Variants in ELL observed in about 807,000 individuals in gnomAD.
ELL encodes the protein RNA polymerase II elongation factor ELL.
In ELL, 18 loss-of-function variants were observed where a neutral mutation model predicts 64.0. The observed-to-expected ratio is 0.28, with a 90% CI of 0.19 to 0.42. ELL has a LOEUF of 0.42. Ranked by LOEUF, ELL falls within the 10% of genes least tolerant of loss-of-function variation. The probability of loss-of-function intolerance (pLI) is 1.00; values close to 1 mark genes in which losing one functional copy is unlikely to be tolerated. For synonymous variants in ELL, 399 were observed against 376.2 expected (o/e 1.06, Z -0.70); for missense variants, 797 against 870.4 (o/e 0.92, Z 1.06).
chr19:18,457,573 C>A (rs1796709431), intron 6 of ELL, among the ~76,000 whole-genome samples: 1 of 152,172 alleles, frequency 6.6e-6, no homozygotes, highest in Non-Finnish European at 1.5e-5. Flanking sequence ...CCTCCGAGTC[C>A]CTGAGAAATC....
rs1975779278 is a variant in ELL, at chr19:18,501,497, G to C, written c.135+20424C>G. Among the ~76,000 whole-genome samples, 1 of 152,196 alleles carries C rather than the reference G, an allele frequency of 6.6e-6. No homozygotes were observed. Among genetic ancestry groups the C allele is most frequent in the African/African-American group, 2.4e-5 (1 of 41,446 alleles). On this transcript the variant is annotated intron_variant, in intron 1 of 11. Transcript: ENST00000262809. The surrounding 1 kb of genome is among the most constrained non-coding windows in gnomAD (Gnocchi z 4.5). ...CAAGGCAGCTCTTCCAGGCCAGCCG[G>C]GGCCTTGGAGTGAGGGGCCACTGGC...
chr19:18,475,579 G>T (rs1229515615), intron 1 of ELL, among the ~76,000 whole-genome samples: 1 of 152,198 alleles, frequency 6.6e-6, no homozygotes, highest in Non-Finnish European at 1.5e-5. Context: ...CCAAAAAGCG[G>T]CAGTAGCCCA....
intron 1 of ELL, among the ~76,000 whole-genome samples, chr19:18,489,251 C>A (rs560401191): frequency 1.1e-4 from 17 of 152,290 alleles, no homozygotes; most frequent in African/African-American, 4.1e-4. Context: ...CAGGTGTGAG[C>A]GAGGGGGCGT....
At chr19:18,466,238 G>A in intron 2 of ELL, among the ~76,000 whole-genome samples, 1 of 152,180 alleles carries the variant, frequency 6.6e-6, no homozygotes, top group East Asian at 1.9e-4. Flanking sequence ...CCAATCGTGT[G>A]ACCCCTGGAA....
At chr19:18,473,171 G>A (rs370451633) in intron 1 of ELL, 4 of 659,008 alleles carry the variant, frequency 6.1e-6, no homozygotes, top group Non-Finnish European at 8.4e-6. Flanking sequence ...CAGGATGCAG[G>A]GGCGGGGAGT....
At chr19:18,477,850 T>C (rs1214080039) in intron 1 of ELL, among the ~76,000 whole-genome samples, 1 of 152,180 alleles carries the variant, frequency 6.6e-6, no homozygotes, top group Non-Finnish European at 1.5e-5. Context: ...TAGAAAAGGC[T>C]TTTTTCTTAT....
At chr19:18,458,557 G>T (rs182093411) in intron 5 of ELL, among the ~76,000 whole-genome samples, 1 of 152,240 alleles carries the variant, frequency 6.6e-6, no homozygotes, top group African/African-American at 2.4e-5. Context: ...GGTCATGAAG[G>T]CAGGTCCAGA....
intron 1 of ELL, among the ~76,000 whole-genome samples, chr19:18,514,554 C>G (rs1424333949): frequency 1.3e-5 from 2 of 150,542 alleles, no homozygotes; most frequent in East Asian, 3.9e-4. Context: ...ACAAAATAAC[C>G]ACATGTCATG....
intron 1 of ELL, among the ~76,000 whole-genome samples, chr19:18,493,036 T>C (rs1975565072): frequency 6.6e-6 from 1 of 152,042 alleles, no homozygotes; most frequent in South Asian, 2.1e-4. Context: ...CTGCTGCTCC[T>C]AATCCCCAGG....
intron 2 of ELL, chr19:18,471,031 T>C (rs1246753532): frequency 2.2e-5 from 10 of 454,720 alleles, no homozygotes; most frequent in Non-Finnish European, 4.4e-5. Flanking sequence ...TGCAGAGCTC[T>C]CAGGCTGTGG....
intron 10 of ELL, 63 bp from the exon 11 acceptor site, chr19:18,445,331 G>A (rs533673420): frequency 2.7e-6 from 4 of 1,500,070 alleles, no homozygotes; most frequent in Non-Finnish European, 3.7e-6. Flanking sequence ...AACCCAAATT[G>A]AGTGGTCCCA....
At chr19:18,521,501 G>A (rs543089904) in intron 1 of ELL, among the ~76,000 whole-genome samples, 20 of 152,170 alleles carry the variant, frequency 1.3e-4, no homozygotes, top group African/African-American at 4.8e-4. Context: ...GCGCTGCCCC[G>A]GCCCCAGATG....
At chr19:18,517,552 T>A (rs773597034) in intron 1 of ELL, among the ~76,000 whole-genome samples, 5 of 151,118 alleles carry the variant, frequency 3.3e-5, no homozygotes, top group Non-Finnish European at 7.4e-5. Context: ...CGCCCGGCCA[T>A]CCCATGCAGG....
rs556918455 is a variant in ELL, at chr19:18,510,262, T to C, written c.135+11659A>G. Among the ~76,000 whole-genome samples the C allele has an allele frequency of 2.0e-5, 3 of 152,270 alleles. No individual in the cohort carries two copies. In the South Asian group the frequency reaches 6.2e-4, roughly 32 times the overall value. On this transcript the variant is annotated intron_variant, in intron 1 of 11. Transcript: ENST00000262809. ...GCGCAAGCCTGTAATCCCAGCTAAT[T>C]TGGAGGCTGAGGCACGAGAATTGCT...
At chr19:18,497,524 T>C (rs1298492146) in intron 1 of ELL, among the ~76,000 whole-genome samples, 1 of 152,052 alleles carries the variant, frequency 6.6e-6, no homozygotes, top group African/African-American at 2.4e-5. Context: ...GGGCTCCAGA[T>C]GATAAAGACG....
At chr19:18,510,708 T>C (rs547580950) in intron 1 of ELL, among the ~76,000 whole-genome samples, 1 of 152,226 alleles carries the variant, frequency 6.6e-6, no homozygotes, top group South Asian at 2.1e-4. Context: ...CATCAAAAAA[T>C]AACCAGTTCG....
intron 1 of ELL, among the ~76,000 whole-genome samples, chr19:18,493,220 G>A (rs1013920172): frequency 2.0e-5 from 3 of 152,176 alleles, no homozygotes; most frequent in East Asian, 1.9e-4. Flanking sequence ...ATGGGGCTGG[G>A]GATCCCATCA....
intron 1 of ELL, among the ~76,000 whole-genome samples, chr19:18,509,292 C>T (rs561272074): frequency 4.6e-5 from 7 of 152,148 alleles, no homozygotes; most frequent in Admixed American, 6.5e-5. Context: ...CTACAAGATC[C>T]ACAGCAGGAA....
chr19:18,508,942 G>A (rs1257791733), intron 1 of ELL, among the ~76,000 whole-genome samples: 1 of 152,278 alleles, frequency 6.6e-6, no homozygotes, highest in Non-Finnish European at 1.5e-5. Flanking sequence ...TAACAAGGCA[G>A]CAAGCCTTGT....
Sources: gnomAD v4.1 joint callset for allele counts (sites outside exome capture counted in the v4.1 genomes callset) on GRCh38, gnomAD v4.1.1 for gene constraint, Gnocchi (gnomAD v3.1) non-coding constraint, MANE v1.5 for transcripts, NCBI Gene and HGNC (gene_info 2026-07-23, HGNC 2026-07-21) for gene names.